SOX6: variants seen among roughly 807,000 people sequenced by gnomAD.
The protein encoded by SOX6 is transcription factor SOX-6.
A neutral mutation model predicts 97.8 loss-of-function variants in SOX6; 11 were observed. The observed-to-expected ratio is 0.11, with a 90% CI of 0.07 to 0.19. SOX6 has a LOEUF of 0.19. Ranked by LOEUF, SOX6 falls within the 10% of genes least tolerant of loss-of-function variation. SOX6 has a pLI of 1.00. For synonymous variants in SOX6, 360 were observed against 371.4 expected, an observed-to-expected ratio of 0.97 and a Z score of 0.35; for missense variants, 810 against 1,039.5, an observed-to-expected ratio of 0.78 and a Z score of 3.04.
intron 2 of SOX6, among the ~76,000 whole-genome samples, chr11:16,331,406 AT>A (rs1856294325): frequency 6.6e-6 from 1 of 152,088 alleles, no homozygotes; most frequent in African/African-American, 2.4e-5. Flanking sequence ...AAGAGAACAG[AT>A]TGCTTTATGT....
At chr11:16,497,421 C>G (rs560256432) in intron 4 of SOX6, among the ~76,000 whole-genome samples, 1 of 152,194 alleles carries the variant, frequency 6.6e-6, no homozygotes, top group African/African-American at 2.4e-5. Context: ...TCTCCTCCTC[C>G]AAAGGAATGC....
At chr11:16,105,869 G>A (rs750545383) in intron 7 of SOX6, among the ~76,000 whole-genome samples, 25 of 152,030 alleles carry the variant, frequency 1.6e-4, no homozygotes, top group Non-Finnish European at 2.9e-4. Context: ...CAGAGTATAA[G>A]CTTAACACGC....
At chr11:16,292,064 C>T (rs182868791) in intron 3 of SOX6, among the ~76,000 whole-genome samples, 3 of 152,144 alleles carry the variant, frequency 2.0e-5, no homozygotes, top group African/African-American at 7.2e-5. Context: ...ATCTATACTA[C>T]TTATTAGTAT....
chr11:16,387,896 A>G (rs918024061), intron 1 of SOX6, among the ~76,000 whole-genome samples: 2 of 152,090 alleles, frequency 1.3e-5, no homozygotes, highest in Non-Finnish European at 2.9e-5. Context: ...CAAAGATACA[A>G]TCCTACTTTT....
At chr11:16,064,548 A>G (rs947308267) in intron 9 of SOX6, among the ~76,000 whole-genome samples, 1 of 151,554 alleles carries the variant, frequency 6.6e-6, no homozygotes, top group African/African-American at 2.4e-5. Flanking sequence ...AGCCATATAT[A>G]TATATGAAGC....
intron 3 of SOX6, among the ~76,000 whole-genome samples, chr11:16,238,845 G>C (rs1035305625): frequency 6.6e-6 from 1 of 152,022 alleles, no homozygotes; most frequent in African/African-American, 2.4e-5. Context: ...AACAATTACT[G>C]CTGGCTCTAT....
chr11:16,575,321 A>C (rs756930273), intron 4 of SOX6, among the ~76,000 whole-genome samples: 6 of 152,182 alleles, frequency 3.9e-5, no homozygotes, highest in Non-Finnish European at 7.4e-5. Context: ...ACACTTTTTG[A>C]AAAGAGTTTC....
intron 3 of SOX6, among the ~76,000 whole-genome samples, chr11:16,661,505 T>G (rs1847765384): frequency 1.3e-5 from 2 of 152,284 alleles, no homozygotes; most frequent in South Asian, 2.1e-4. Context: ...CTGTTTTTTC[T>G]TTTAAAAAAA....
intron 3 of SOX6, among the ~76,000 whole-genome samples, chr11:16,676,094 C>T (rs7117140): frequency 0.8 from 121,858 of 152,154 alleles, 49,135 homozygotes; most frequent in East Asian, 0.9. Context: ...TGCTCATTTT[C>T]ATTCATTCAT....
At chr11:16,341,417 C>A in intron 1 of SOX6, 165 bp from the exon 2 acceptor site, 1 of 958,772 alleles carries the variant, frequency 1.0e-6, no homozygotes, top group Non-Finnish European at 1.5e-6. Context: ...ATGTGTCCTT[C>A]TTTCCCTCTT....
chr11:16,600,768 C>T (rs1848259183), intron 4 of SOX6, among the ~76,000 whole-genome samples: 1 of 152,122 alleles, frequency 6.6e-6, no homozygotes, highest in South Asian at 2.1e-4. Context: ...AAAACACTTT[C>T]CTGTGAATAA....
chr11:16,404,460 T>C (rs903219181), intron 1 of SOX6, among the ~76,000 whole-genome samples: 5 of 151,942 alleles, frequency 3.3e-5, no homozygotes, highest in Admixed American at 1.3e-4. Context: ...TATACTTTTA[T>C]TGTTAACAAC....
At chr11:16,145,254 T>C (rs1173483044) in intron 6 of SOX6, among the ~76,000 whole-genome samples, 1 of 152,152 alleles carries the variant, frequency 6.6e-6, no homozygotes, top group Admixed American at 6.5e-5. Flanking sequence ...AAAAACCACA[T>C]GATTATCTCA....
intron 6 of SOX6, among the ~76,000 whole-genome samples, chr11:16,168,361 C>T (rs1360073261): frequency 6.6e-6 from 1 of 152,070 alleles, no homozygotes; most frequent in South Asian, 2.1e-4. Flanking sequence ...TTTTGGATAA[C>T]ATCTTAAATA....
At chr11:16,566,653 C>T (rs949735008) in intron 4 of SOX6, among the ~76,000 whole-genome samples, 11 of 152,184 alleles carry the variant, frequency 7.2e-5, no homozygotes, top group African/African-American at 1.4e-4. Flanking sequence ...CCCGCTAGGG[C>T]GGCTATAATG....
intron 3 of SOX6, among the ~76,000 whole-genome samples, chr11:16,637,517 C>A (rs530594392): frequency 2.9e-4 from 44 of 152,194 alleles, no homozygotes; most frequent in African/African-American, 1.0e-3. Context: ...CCACACCCAG[C>A]TTTTCAATAG....
intron 3 of SOX6, among the ~76,000 whole-genome samples, chr11:16,686,394 C>A (rs189119111): frequency 3.3e-5 from 5 of 152,314 alleles, no homozygotes; most frequent in Non-Finnish European, 7.4e-5. Flanking sequence ...CTTCAACACA[C>A]TGCTGCTTAG....
At chr11:16,235,783 T>C (rs1451240040) in intron 3 of SOX6, among the ~76,000 whole-genome samples, 1 of 152,032 alleles carries the variant, frequency 6.6e-6, no homozygotes, top group Non-Finnish European at 1.5e-5. Flanking sequence ...GACAGTAAGG[T>C]CAAGATGGAT....
chr11:16,009,053 G>T (rs1854638065), intron 13 of SOX6, among the ~76,000 whole-genome samples: 1 of 151,896 alleles, frequency 6.6e-6, no homozygotes, highest in African/African-American at 2.4e-5. Context: ...AGACCCATAT[G>T]CCCACAGCAT....
Sources: gnomAD v4.1 joint callset for allele counts (sites outside exome capture counted in the v4.1 genomes callset) on GRCh38, gnomAD v4.1.1 for gene constraint, MANE v1.5 for transcripts, NCBI Gene and HGNC (gene_info 2026-07-23, HGNC 2026-07-21) for gene names.